The following CHSY3 variants were observed in gnomAD, a reference collection of about 807,000 sequenced individuals.
CHSY3 encodes N-acetylgalactosaminyl-proteoglycan 3-beta-glucuronosyltransferase 3.
CHSY3 carries 35 observed loss-of-function variants against 67.2 expected under a neutral mutation model. That is an observed-to-expected ratio of 0.52 (90% CI 0.40 to 0.69). The LOEUF is 0.69. CHSY3 is among the 30% of genes least tolerant of loss of function. CHSY3 has a pLI of 0.00. For missense variants in CHSY3, 1,069 were observed against 1,138.5 expected (o/e 0.94, Z 0.88); for synonymous variants, 474 against 434.7 (o/e 1.09, Z -1.12).
At chr5:130,102,837 C>A (rs1433366716) in intron 2 of CHSY3, among the ~76,000 whole-genome samples, 1 of 152,060 alleles carries the variant, frequency 6.6e-6, no homozygotes, top group Non-Finnish European at 1.5e-5. Context: ...TTTTCTGCTA[C>A]TTTATTTATA....
intron 2 of CHSY3, among the ~76,000 whole-genome samples, chr5:130,107,731 T>C (rs1767455681): frequency 6.6e-6 from 1 of 151,578 alleles, no homozygotes; most frequent in East Asian, 1.9e-4. Context: ...AACTTAGTGG[T>C]ATTTGATCAA....
intron 2 of CHSY3, chr5:130,001,927 T>A: frequency 1.2e-6 from 1 of 861,742 alleles, no homozygotes; most frequent in Non-Finnish European, 1.4e-6. Context: ...TCTGGCTAGT[T>A]CCTTTAAGAT....
chr5:130,008,410 A>T (rs1259687211), intron 2 of CHSY3, among the ~76,000 whole-genome samples: 1 of 152,208 alleles, frequency 6.6e-6, no homozygotes, highest in Non-Finnish European at 1.5e-5. Flanking sequence ...AGTTGATGGA[A>T]CCCAACTTAT....
At chr5:130,168,250 T>C (rs1769804733) in intron 2 of CHSY3, among the ~76,000 whole-genome samples, 1 of 152,154 alleles carries the variant, frequency 6.6e-6, no homozygotes, top group African/African-American at 2.4e-5. Flanking sequence ...CAGCAGCACT[T>C]CATTTATTTG....
chr5:130,054,629 A>G (rs1765469890), intron 2 of CHSY3, among the ~76,000 whole-genome samples: 2 of 152,148 alleles, frequency 1.3e-5, no homozygotes, highest in South Asian at 4.1e-4. Flanking sequence ...ATAAACTCTT[A>G]CTTCACAGGG....
chr5:130,122,329 A>G (rs1768064065), intron 2 of CHSY3, among the ~76,000 whole-genome samples: 1 of 152,208 alleles, frequency 6.6e-6, no homozygotes, highest in African/African-American at 2.4e-5. Context: ...AGACTTTAAG[A>G]TAATATTTGG....
At chr5:130,040,452 G>T (rs771311825) in intron 2 of CHSY3, among the ~76,000 whole-genome samples, 3 of 152,080 alleles carry the variant, frequency 2.0e-5, no homozygotes, top group Non-Finnish European at 2.9e-5. Context: ...ATGTATTTGA[G>T]ACAGTAAAAA....
intron 2 of CHSY3, among the ~76,000 whole-genome samples, chr5:130,177,291 T>C (rs1318393269): frequency 6.6e-6 from 1 of 151,910 alleles, no homozygotes; most frequent in African/African-American, 2.4e-5. Flanking sequence ...TTCACTGGGT[T>C]TTCTGTCAAT....
At chr5:130,007,007 A>T (rs1474287883) in intron 2 of CHSY3, among the ~76,000 whole-genome samples, 5 of 152,202 alleles carry the variant, frequency 3.3e-5, no homozygotes, top group African/African-American at 1.2e-4. Flanking sequence ...CAGAGATTGT[A>T]CATTTCTAAA....
At chr5:129,952,772 G>A (rs974671086) in intron 2 of CHSY3, among the ~76,000 whole-genome samples, 4 of 152,196 alleles carry the variant, frequency 2.6e-5, no homozygotes, top group African/African-American at 9.6e-5. Flanking sequence ...GATGAGTGCT[G>A]AGACAGGAAG....
intron 2 of CHSY3, among the ~76,000 whole-genome samples, chr5:129,929,406 G>C (rs1761225392): frequency 6.6e-6 from 1 of 152,206 alleles, no homozygotes. Context: ...TAGGCTGTCA[G>C]TTTTATTTAA....
intron 2 of CHSY3, among the ~76,000 whole-genome samples, chr5:129,979,409 C>T (rs748089374): frequency 5.9e-5 from 9 of 151,820 alleles, no homozygotes; most frequent in Non-Finnish European, 1.0e-4. Flanking sequence ...TTAAACTTTT[C>T]AACTCATAAC....
At position 130,135,101 on chromosome 5, in the gene CHSY3, A is replaced by G. The variant is rs573484312; in HGVS notation, c.1087-49128A>G. 5.9e-5 allele frequency among the ~76,000 whole-genome samples: 9 copies of G among 152,166 alleles called. No individual in the cohort carries two copies. In the South Asian group the frequency reaches 1.9e-3, roughly 32 times the overall value. On this transcript the variant is annotated intron_variant, in intron 2 of 2. Coordinates refer to ENST00000305031, the MANE Select transcript of CHSY3 (RefSeq NM_175856.5). ...TATACACACACATATATACGTGTCT[A>G]TATTTTTAAACATACATACAGTTGT...
intron 2 of CHSY3, among the ~76,000 whole-genome samples, chr5:129,939,929 A>G (rs1386129500): frequency 6.6e-6 from 1 of 152,202 alleles, no homozygotes; most frequent in Non-Finnish European, 1.5e-5. Context: ...CCCATTCACT[A>G]GGGAACATTG....
intron 2 of CHSY3, among the ~76,000 whole-genome samples, chr5:129,944,018 G>A (rs1580561707): frequency 6.6e-6 from 1 of 152,126 alleles, no homozygotes; most frequent in Non-Finnish European, 1.5e-5. Flanking sequence ...CTCTTTTATG[G>A]TTTGTATCAA....
At chr5:130,015,404 C>A (rs547370100) in intron 2 of CHSY3, among the ~76,000 whole-genome samples, 1 of 152,062 alleles carries the variant, frequency 6.6e-6, no homozygotes, top group Admixed American at 6.5e-5. Context: ...CTAAAAAAAA[C>A]CTCATAAAAA....
chr5:130,089,635 G>A (rs1266577110), intron 2 of CHSY3, among the ~76,000 whole-genome samples: 1 of 152,090 alleles, frequency 6.6e-6, no homozygotes, highest in East Asian at 1.9e-4. Flanking sequence ...TAGAGGACTA[G>A]GCATTGCCTG....
chr5:130,101,454 C>A (rs925447145), intron 2 of CHSY3, among the ~76,000 whole-genome samples: 15 of 151,894 alleles, frequency 9.9e-5, no homozygotes, highest in African/African-American at 3.6e-4. Context: ...TATTTTTCAA[C>A]GTATCCTGTT....
chr5:130,141,698 G>C (rs1372156957), intron 2 of CHSY3: 5 of 525,428 alleles, frequency 9.5e-6, no homozygotes, highest in Non-Finnish European at 1.5e-5. Flanking sequence ...AAACTTCAAG[G>C]CAAGATTAAC....
Sources: gnomAD v4.1 joint callset for allele counts (sites outside exome capture counted in the v4.1 genomes callset) on GRCh38, gnomAD v4.1.1 for gene constraint, MANE v1.5 for transcripts, NCBI Gene and HGNC (gene_info 2026-07-23, HGNC 2026-07-21) for gene names.